TENM3: variants seen among roughly 807,000 people sequenced by gnomAD.
TENM3 encodes teneurin transmembrane protein 3, also known as teneurin-3.
Under a neutral mutation model 255.1 loss-of-function variants are expected in TENM3, and 63 were observed. That is an observed-to-expected ratio of 0.25 (90% CI 0.20 to 0.30). The LOEUF (loss-of-function observed/expected upper bound fraction) is 0.30. Among genes scored for constraint, TENM3 ranks in the 10% least tolerant of loss-of-function variants. The probability of loss-of-function intolerance (pLI) is 1.00; values close to 1 mark genes in which losing one functional copy is unlikely to be tolerated. For synonymous variants in TENM3, 1,306 were observed against 1,322.3 expected (o/e 0.99, Z 0.27); for missense variants, 2,929 against 3,461.1 (o/e 0.85, Z 3.86).
At chr4:181,684,418 A>G in the TENM3 span, among the ~76,000 whole-genome samples, 13 of 152,136 alleles carry the variant, frequency 8.5e-5, no homozygotes, top group African/African-American at 2.9e-4. Context: ...GTGACTTTGA[A>G]TCTAATGTTT....
the TENM3 span, among the ~76,000 whole-genome samples, chr4:181,827,025 G>A: frequency 6.6e-6 from 1 of 152,148 alleles, no homozygotes; most frequent in Non-Finnish European, 1.5e-5. Flanking sequence ...TCATTTCCTA[G>A]CTGGGTGACA....
At chr4:181,926,503 C>G in the TENM3 span, among the ~76,000 whole-genome samples, 141 of 152,198 alleles carry the variant, frequency 9.3e-4, no homozygotes, top group Middle Eastern at 3.4e-3. Context: ...GACTGGCATC[C>G]TTGCTTGGTA....
At chr4:181,570,369 T>A in the TENM3 span, among the ~76,000 whole-genome samples, 1 of 151,886 alleles carries the variant, frequency 6.6e-6, no homozygotes, top group South Asian at 2.1e-4. Flanking sequence ...GGCGTGGTGG[T>A]GCATGCTTGT....
At chr4:182,184,872 C>A (rs1359574294) in intron 1 of TENM3, among the ~76,000 whole-genome samples, 2 of 152,052 alleles carry the variant, frequency 1.3e-5, no homozygotes. Flanking sequence ...CACCTGAGGT[C>A]AGGAGTTCAA....
intron 1 of TENM3, among the ~76,000 whole-genome samples, chr4:182,150,651 T>C (rs554133387): frequency 6.6e-6 from 1 of 152,230 alleles, no homozygotes; most frequent in South Asian, 2.1e-4. Flanking sequence ...ACTCTGATTA[T>C]TTAAAAAGAC....
At chr4:182,023,050 T>G in the TENM3 span, among the ~76,000 whole-genome samples, 2,209 of 152,328 alleles carry the variant, frequency 0.015, 20 homozygotes, top group Non-Finnish European at 0.022. Flanking sequence ...ATTAAGAATA[T>G]GTACCTTTGT....
the TENM3 span, among the ~76,000 whole-genome samples, chr4:181,931,420 T>TA: frequency 6.6e-6 from 1 of 152,226 alleles, no homozygotes; most frequent in South Asian, 2.1e-4. Context: ...TCACAATTCC[T>TA]ACAAAGAGAG....
chr4:182,362,924 ATAAT>A (rs1766129164), intron 3 of TENM3, among the ~76,000 whole-genome samples: 1 of 152,154 alleles, frequency 6.6e-6, no homozygotes, highest in South Asian at 2.1e-4. Flanking sequence ...CTTTATATAC[ATAAT>A]TAATTTGGTG....
At chr4:182,685,664 T>C (rs1242897486) in intron 11 of TENM3, among the ~76,000 whole-genome samples, 1 of 152,096 alleles carries the variant, frequency 6.6e-6, no homozygotes, top group Non-Finnish European at 1.5e-5. Context: ...GTAAAGGTAC[T>C]TGGTTCAGGT....
chr4:182,268,268 T>A (rs1364168006), intron 1 of TENM3, among the ~76,000 whole-genome samples: 1 of 152,202 alleles, frequency 6.6e-6, no homozygotes, highest in Non-Finnish European at 1.5e-5. Context: ...GTATCTCCTT[T>A]TGTTGAAACT....
At chr4:181,740,052 C>T in the TENM3 span, among the ~76,000 whole-genome samples, 1 of 152,094 alleles carries the variant, frequency 6.6e-6, no homozygotes, top group East Asian at 1.9e-4. Context: ...ACACCTAATC[C>T]CCAGCCTCAA....
Position 182,570,840 on chromosome 4 carries a change from A to C in TENM3, c.512-30084A>C, listed in dbSNP as rs576619506. ...GCGAGACTCTGTGTCAAAAAAAAAAACAAAACAAACAAACTTAGAAAGAGC... is the reference window on the plus strand; with the variant it reads ...GCGAGACTCTGTGTCAAAAAAAAAACCAAAACAAACAAACTTAGAAAGAGC... On this transcript the variant is annotated intron_variant, in intron 3 of 27. Coordinates refer to ENST00000511685, the MANE Select transcript of TENM3 (RefSeq NM_001080477.4). Among the ~76,000 whole-genome samples, 345 of 149,198 alleles carry C rather than the reference A, an allele frequency of 2.3e-3. 1 individual carries two copies. Among genetic ancestry groups the C allele is most frequent in the African/African-American group, 7.6e-3 (313 of 41,136 alleles).
the TENM3 span, among the ~76,000 whole-genome samples, chr4:181,568,227 A>G: frequency 2.8e-5 from 4 of 141,330 alleles, no homozygotes; most frequent in Non-Finnish European, 6.0e-5. Flanking sequence ...GCAGTGGTGT[A>G]GTCTCAGCTC....
At chr4:182,565,791 G>C (rs1015901394) in intron 3 of TENM3, among the ~76,000 whole-genome samples, 1 of 152,222 alleles carries the variant, frequency 6.6e-6, no homozygotes, top group Non-Finnish European at 1.5e-5. Context: ...AAGAAGGAGA[G>C]AGAACAGTGA....
chr4:181,882,347 A>C, the TENM3 span, among the ~76,000 whole-genome samples: 1 of 152,224 alleles, frequency 6.6e-6, no homozygotes, highest in African/African-American at 2.4e-5. Flanking sequence ...GGACTTCTGC[A>C]GGAAGGAAGT....
intron 4 of TENM3, among the ~76,000 whole-genome samples, chr4:182,615,809 C>T (rs1250454053): frequency 1.3e-5 from 2 of 151,982 alleles, no homozygotes; most frequent in African/African-American, 2.4e-5. Context: ...ATGGATTGAG[C>T]GTTGTATAAC....
At chr4:182,098,963 C>CTTT in the TENM3 span, among the ~76,000 whole-genome samples, 30 of 131,244 alleles carry the variant, frequency 2.3e-4, no homozygotes, top group East Asian at 2.7e-3. Context: ...CTCTTTTTTT[C>CTTT]TTTTTTTTTT....
At chr4:181,584,433 C>T in the TENM3 span, among the ~76,000 whole-genome samples, 1 of 152,192 alleles carries the variant, frequency 6.6e-6, no homozygotes, top group African/African-American at 2.4e-5. Context: ...CTTAATCCTA[C>T]TACCAACATT....
chr4:181,550,283 G>C, the TENM3 span, among the ~76,000 whole-genome samples: 1 of 152,148 alleles, frequency 6.6e-6, no homozygotes, highest in Non-Finnish European at 1.5e-5. Context: ...CTAAATTTCA[G>C]TTTACGAAGA....
Sources: gnomAD v4.1 joint callset for allele counts (sites outside exome capture counted in the v4.1 genomes callset) on GRCh38, gnomAD v4.1.1 for gene constraint, MANE v1.5 for transcripts, NCBI Gene and HGNC (gene_info 2026-07-23, HGNC 2026-07-21) for gene names.